MAGI2: variants seen among roughly 807,000 people sequenced by gnomAD.
MAGI2 encodes membrane-associated guanylate kinase, WW and PDZ domain-containing protein 2.
Under a neutral mutation model 133.3 loss-of-function variants are expected in MAGI2, and 35 were observed. The observed-to-expected ratio is 0.26, with a 90% CI of 0.20 to 0.35. The LOEUF is 0.35. MAGI2 is among the 10% of genes least tolerant of loss of function. The pLI, the probability that MAGI2 is intolerant of heterozygous loss-of-function variation, is 1.00. For synonymous variants in MAGI2, 729 were observed against 710.6 expected, an observed-to-expected ratio of 1.03 and a Z score of -0.41; for missense variants, 1,636 against 1,863.4, an observed-to-expected ratio of 0.88 and a Z score of 2.25.
chr7:78,358,149 C>T (rs1163970632), intron 7 of MAGI2: 1 of 96,208 alleles, frequency 1.0e-5, no homozygotes, highest in Non-Finnish European at 1.9e-5. Context: ...GGCGACAGAG[C>T]AAGACTTTGC....
intron 2 of MAGI2, among the ~76,000 whole-genome samples, chr7:78,899,926 A>T (rs766982946): frequency 1.6e-4 from 24 of 152,182 alleles, no homozygotes; most frequent in Admixed American, 9.8e-4. Flanking sequence ...CTTTACTCTC[A>T]TCACTCAACC....
Position 78,794,697 on chromosome 7 carries a change from T to C in MAGI2, c.419-167458A>G, listed in dbSNP as rs138041098. Among the ~76,000 whole-genome samples the C allele has an allele frequency of 3.1e-3, 465 of 152,224 alleles. 1 individual carries two copies. Among genetic ancestry groups the C allele is most frequent in the African/African-American group, 0.011 (440 of 41,540 alleles). ...ATACACTTGAAAATTATAAACATCA[T>C]ATATTTGTATCTTATTTTCTCTACT... is the stretch of plus-strand genomic sequence containing the variant. On this transcript the variant is annotated intron_variant, in intron 2 of 21. Coordinates refer to ENST00000354212, the MANE Select transcript of MAGI2 (RefSeq NM_012301.4).
At chr7:78,303,298 G>A (rs557135569) in intron 9 of MAGI2, among the ~76,000 whole-genome samples, 2 of 142,558 alleles carry the variant, frequency 1.4e-5, no homozygotes, top group South Asian at 2.3e-4. Context: ...AGAATCTCTC[G>A]AACCTGGGAG....
At chr7:78,318,179 C>G (rs1787625319) in intron 9 of MAGI2, among the ~76,000 whole-genome samples, 1 of 152,082 alleles carries the variant, frequency 6.6e-6, no homozygotes, top group Non-Finnish European at 1.5e-5. Flanking sequence ...CTCCTCCAAG[C>G]TAAAGGAGCA....
At chr7:78,078,800 G>T (rs1431579835) in intron 21 of MAGI2, 147 bp downstream of exon 21, 3 of 759,334 alleles carry the variant, frequency 4.0e-6, no homozygotes, top group Non-Finnish European at 4.5e-6. Context: ...GTGTGTGTGT[G>T]TGTGTGTGTG....
chr7:79,240,376 A>G (rs1285471363), intron 1 of MAGI2, among the ~76,000 whole-genome samples: 1 of 151,352 alleles, frequency 6.6e-6, no homozygotes, highest in African/African-American at 2.4e-5. Flanking sequence ...AAAAAAAAAG[A>G]AAAGGGATGA....
At chr7:78,572,913 C>T (rs575522909) in intron 3 of MAGI2, among the ~76,000 whole-genome samples, 133 of 149,822 alleles carry the variant, frequency 8.9e-4, no homozygotes, top group South Asian at 3.6e-3. Flanking sequence ...CCGCCTCACT[C>T]GGCCTCACGA....
At chr7:78,077,401 A>AT (rs1815435528) in intron 21 of MAGI2, among the ~76,000 whole-genome samples, 1 of 128,956 alleles carries the variant, frequency 7.8e-6, no homozygotes, top group Non-Finnish European at 1.8e-5. Context: ...GTGCTTATTG[A>AT]TAATATATAT....
chr7:78,785,145 A>G (rs1826710748), intron 2 of MAGI2, among the ~76,000 whole-genome samples: 1 of 152,218 alleles, frequency 6.6e-6, no homozygotes, highest in Admixed American at 6.5e-5. Flanking sequence ...CTTTGTTATA[A>G]CATAATTTGA....
chr7:78,379,783 C>A (rs1458733361), intron 6 of MAGI2, among the ~76,000 whole-genome samples: 1 of 151,882 alleles, frequency 6.6e-6, no homozygotes, highest in Non-Finnish European at 1.5e-5. Context: ...GGAACACTCG[C>A]CAAAATTGTT....
At chr7:79,236,314 A>G (rs1831921064) in intron 1 of MAGI2, among the ~76,000 whole-genome samples, 1 of 152,222 alleles carries the variant, frequency 6.6e-6, no homozygotes, top group African/African-American at 2.4e-5. Context: ...AATTCACAAA[A>G]GTGTCAAGGG....
intron 12 of MAGI2, among the ~76,000 whole-genome samples, chr7:78,190,242 A>T (rs139222411): frequency 6.6e-6 from 1 of 152,318 alleles, no homozygotes; most frequent in East Asian, 1.9e-4. Flanking sequence ...GTTTACTGGG[A>T]GTTTGGCTAC....
chr7:79,157,976 GTA>G (rs1823978988), intron 1 of MAGI2, among the ~76,000 whole-genome samples: 1 of 127,288 alleles, frequency 7.9e-6, no homozygotes, highest in Admixed American at 8.9e-5. Context: ...GTGTGTGTGT[GTA>G]TTTAAAAGAC....
intron 3 of MAGI2, among the ~76,000 whole-genome samples, chr7:78,566,467 T>TGA (rs1800953424): frequency 6.7e-6 from 1 of 149,822 alleles, no homozygotes; most frequent in Admixed American, 6.7e-5. Context: ...ATTTCACTGG[T>TGA]GAGAGAGTGC....
At chr7:79,380,049 A>G (rs961139947) in intron 1 of MAGI2, among the ~76,000 whole-genome samples, 1 of 151,806 alleles carries the variant, frequency 6.6e-6, no homozygotes, top group Non-Finnish European at 1.5e-5. Context: ...AAACCCTAGA[A>G]GAAAACCTAG....
chr7:78,226,735 A>T (rs566945110), intron 10 of MAGI2, among the ~76,000 whole-genome samples: 1 of 152,202 alleles, frequency 6.6e-6, no homozygotes, highest in African/African-American at 2.4e-5. Context: ...GTGCGTGTGT[A>T]TGTATATATG....
intron 9 of MAGI2, among the ~76,000 whole-genome samples, chr7:78,259,428 C>A (rs1229546446): frequency 6.6e-6 from 1 of 152,080 alleles, no homozygotes; most frequent in Non-Finnish European, 1.5e-5. Context: ...ATAGTAATAG[C>A]AACTTATTGT....
chr7:78,943,482 A>G (rs1801152416), intron 2 of MAGI2, among the ~76,000 whole-genome samples: 1 of 152,162 alleles, frequency 6.6e-6, no homozygotes, highest in African/African-American at 2.4e-5. Context: ...GTGGCTTGCT[A>G]AAGTGGGAGG....
At chr7:78,597,683 A>G (rs1584786131) in intron 3 of MAGI2, among the ~76,000 whole-genome samples, 1 of 152,196 alleles carries the variant, frequency 6.6e-6, no homozygotes, top group Non-Finnish European at 1.5e-5. Flanking sequence ...CATGAATGCG[A>G]CTGACCCTGG....
Sources: allele counts gnomAD v4.1 joint callset (sites outside exome capture counted in the v4.1 genomes callset), GRCh38; gene constraint gnomAD v4.1.1; transcripts MANE v1.5; gene names NCBI Gene and HGNC (gene_info 2026-07-23, HGNC 2026-07-21).